Variants in FBN2 observed in about 807,000 individuals in gnomAD.
FBN2 encodes the protein fibrillin 2, also known as fibrillin-2.
In FBN2, 105 loss-of-function variants were observed where a neutral mutation model predicts 355.6. The observed-to-expected ratio is 0.30, with a 90% confidence interval of 0.25 to 0.35. The LOEUF (loss-of-function observed/expected upper bound fraction) is 0.35, where lower values mean the gene tolerates loss of function less well. Ranked by LOEUF, FBN2 falls within the 10% of genes least tolerant of loss-of-function variation. The pLI is 1.00. For missense variants in FBN2, 3,280 were observed against 3,758.7 expected (o/e 0.87, Z 3.33); for synonymous variants, 1,350 against 1,301.2 (o/e 1.04, Z -0.81).
intron 7 of FBN2, among the ~76,000 whole-genome samples, chr5:128,411,375 G>A (rs1223950935): frequency 6.6e-6 from 1 of 152,196 alleles, no homozygotes; most frequent in Non-Finnish European, 1.5e-5. Flanking sequence ...ATGAATTGAA[G>A]GATGGTGTAT....
chr5:128,431,066 T>C (rs1292802479), intron 7 of FBN2, among the ~76,000 whole-genome samples: 1 of 152,112 alleles, frequency 6.6e-6, no homozygotes. Flanking sequence ...CAGGTTTTAA[T>C]AGCAGTCTAG....
At chr5:128,269,533 C>T (rs1382106273) in intron 62 of FBN2, among the ~76,000 whole-genome samples, 1 of 151,766 alleles carries the variant, frequency 6.6e-6, no homozygotes, top group Non-Finnish European at 1.5e-5. Flanking sequence ...TCAGCGAAGC[C>T]TCAGGATACA....
intron 20 of FBN2, among the ~76,000 whole-genome samples, chr5:128,356,032 C>G (rs577159025): frequency 1.2e-4 from 18 of 152,312 alleles, no homozygotes; most frequent in African/African-American, 2.6e-4. Flanking sequence ...TTGATTAATG[C>G]TGAATTCATT....
intron 5 of FBN2, among the ~76,000 whole-genome samples, chr5:128,480,057 A>G (rs1235642729): frequency 7.2e-6 from 1 of 139,220 alleles, no homozygotes; most frequent in Non-Finnish European, 1.5e-5. Flanking sequence ...TATTCTATGT[A>G]TATATAATAT....
chr5:128,330,832 G>T, intron 32 of FBN2, 137 bp from the exon 33 acceptor site: 1 of 981,458 alleles, frequency 1.0e-6, no homozygotes, highest in Non-Finnish European at 1.6e-6. Context: ...GTTCTAATTC[G>T]CTAAGCTCTC....
rs554523889 is a variant in FBN2, at chr5:128,432,976, C to G, written c.952+13505G>C. The stretch of plus-strand genomic sequence containing the variant: ...AGCAGGGAAAACTGCCTTATAAAAT[C>G]ACCAGATCTCATGAGAACTCACTCA... On this transcript the variant is annotated intron_variant, in intron 7 of 64. Transcript: ENST00000262464. Among the ~76,000 whole-genome samples, 3 of 152,136 alleles carry G rather than the reference C, an allele frequency of 2.0e-5. No homozygotes were observed. The East Asian group carries it at 5.8e-4, about 29-fold the overall frequency.
chr5:128,349,573 C>G, intron 22 of FBN2, 101 bp from the exon 23 acceptor site: 11 of 1,300,124 alleles, frequency 8.5e-6, no homozygotes, highest in South Asian at 2.5e-5. Context: ...ACATTCAATA[C>G]AATGTGGATT....
intron 48 of FBN2, among the ~76,000 whole-genome samples, chr5:128,291,946 T>C (rs1442610795): frequency 2.0e-5 from 3 of 152,082 alleles, no homozygotes; most frequent in South Asian, 2.1e-4. Context: ...CTCATGGGCA[T>C]TGCAGGCTCC....
intron 11 of FBN2, among the ~76,000 whole-genome samples, chr5:128,386,890 C>A (rs144155046): frequency 6.6e-6 from 1 of 152,134 alleles, no homozygotes; most frequent in East Asian, 1.9e-4. Flanking sequence ...GGATATTGGC[C>A]TAAAGTTTTC....
chr5:128,365,363 A>G (rs1000727789), intron 17 of FBN2: 16 of 152,200 alleles, frequency 1.1e-4, no homozygotes, highest in African/African-American at 3.9e-4. Context: ...TTTCCAATAG[A>G]GGCTGGCTCT....
At chr5:128,512,080 A>G (rs1756144568) in intron 5 of FBN2, among the ~76,000 whole-genome samples, 1 of 152,220 alleles carries the variant, frequency 6.6e-6, no homozygotes, top group Admixed American at 6.5e-5. Flanking sequence ...ATAATGATAT[A>G]CAATATTTTC....
chr5:128,299,676 T>G, intron 48 of FBN2, among the ~76,000 whole-genome samples: 1 of 152,162 alleles, frequency 6.6e-6, no homozygotes, highest in Non-Finnish European at 1.5e-5. Context: ...TCGCCCTGCT[T>G]TGGCTCGTGC....
intron 8 of FBN2, among the ~76,000 whole-genome samples, chr5:128,407,903 C>T (rs1340313510): frequency 1.3e-5 from 2 of 152,146 alleles, no homozygotes; most frequent in Admixed American, 6.6e-5. Flanking sequence ...CAAACGGCCA[C>T]CCTCTAGTGG....
chr5:128,294,198 T>C (rs1749427343), intron 48 of FBN2, among the ~76,000 whole-genome samples: 1 of 152,178 alleles, frequency 6.6e-6, no homozygotes, highest in East Asian at 1.9e-4. Context: ...GAGTATTCCA[T>C]GGTGTATATG....
rs1397184824 is a variant in FBN2 at position 128,363,555 on chromosome 5, T to G, written c.2428+1045A>C. 2.6e-5 allele frequency among the ~76,000 whole-genome samples: 4 copies of G among 152,288 alleles called. No individual in the cohort carries two copies. The South Asian group carries it at 8.3e-4, about 32-fold the overall frequency. On this transcript the variant is annotated intron_variant, in intron 18 of 64. Transcript: ENST00000262464. ...TGAATTGTGTCCCTTAAAAAAGATA[T>G]GTTGAAATCTTAAAACCCAGTATCT...
At position 128,308,596 on chromosome 5, in the gene FBN2, C is replaced by A. The variant is rs73343294; in HGVS notation, c.5353+651G>T. ...CCATTCTCCAGGTCATAAAAGAGAG[C>A]CTGATGGACAGCAATTTTAAGACAA... On this transcript the variant is annotated intron_variant, in intron 41 of 64. Coordinates refer to ENST00000262464, the MANE Select transcript of FBN2 (RefSeq NM_001999.4). Among the ~76,000 whole-genome samples, 191 of 152,130 alleles carry A rather than the reference C, an allele frequency of 1.3e-3. 1 individual carries two copies. The highest frequency in any genetic ancestry group is 4.5e-3 in the African/African-American group (187 of 41,522).
intron 62 of FBN2, among the ~76,000 whole-genome samples, chr5:128,265,770 A>G (rs1765100573): frequency 6.6e-6 from 1 of 152,236 alleles, no homozygotes; most frequent in South Asian, 2.1e-4. Flanking sequence ...AACTTCCTAA[A>G]GTGTTAGTTT....
intron 5 of FBN2, among the ~76,000 whole-genome samples, chr5:128,502,568 T>C (rs1341127406): frequency 6.7e-6 from 1 of 150,082 alleles, no homozygotes; most frequent in Non-Finnish European, 1.5e-5. Flanking sequence ...TTGACAAAAA[T>C]TGAATCAATC....
intron 7 of FBN2, among the ~76,000 whole-genome samples, chr5:128,428,504 C>T (rs1753538370): frequency 6.6e-6 from 1 of 152,168 alleles, no homozygotes; most frequent in Non-Finnish European, 1.5e-5. Context: ...GGGCACTGCA[C>T]TTGCTGGCCC....
Sources: allele counts gnomAD v4.1 joint callset (sites outside exome capture counted in the v4.1 genomes callset), GRCh38; gene constraint gnomAD v4.1.1; transcripts MANE v1.5; gene names NCBI Gene and HGNC (gene_info 2026-07-23, HGNC 2026-07-21).